Variants in CHSY3 observed in about 807,000 individuals in gnomAD.
CHSY3 encodes chondroitin sulfate synthase 3, also known as N-acetylgalactosaminyl-proteoglycan 3-beta-glucuronosyltransferase 3.
In CHSY3, 35 loss-of-function variants were observed where a neutral mutation model predicts 67.2. That is an observed-to-expected ratio of 0.52 (90% CI 0.40 to 0.69). The LOEUF is 0.69. Ranked by LOEUF, CHSY3 falls within the 30% of genes least tolerant of loss-of-function variation. The pLI is 0.00. For synonymous variants in CHSY3, 474 were observed against 434.7 expected (o/e 1.09, Z -1.12); for missense variants, 1,069 against 1,138.5 (o/e 0.94, Z 0.88).
chr5:129,963,375 A>G (rs1762388121), intron 2 of CHSY3, among the ~76,000 whole-genome samples: 1 of 152,044 alleles, frequency 6.6e-6, no homozygotes, highest in Non-Finnish European at 1.5e-5. Context: ...AAGGGTTATG[A>G]CTTGCCCACG....
intron 2 of CHSY3, among the ~76,000 whole-genome samples, chr5:130,023,737 C>G (rs1028124574): frequency 3.3e-5 from 5 of 151,908 alleles, no homozygotes; most frequent in African/African-American, 1.2e-4. Flanking sequence ...AATTAACACC[C>G]AGGGCTTACA....
chr5:130,002,828 C>T (rs564468384), intron 2 of CHSY3, among the ~76,000 whole-genome samples: 1 of 151,388 alleles, frequency 6.6e-6, no homozygotes, highest in African/African-American at 2.4e-5. Flanking sequence ...ATTTTTTTCC[C>T]TTTTTGGGAG....
intron 2 of CHSY3, among the ~76,000 whole-genome samples, chr5:129,926,852 A>G (rs1761130208): frequency 1.3e-5 from 2 of 151,858 alleles, no homozygotes; most frequent in African/African-American, 4.8e-5. Context: ...ATATTTATAT[A>G]TTCAATTCAC....
At chr5:129,909,353 C>T (rs1760448655) in intron 2 of CHSY3, among the ~76,000 whole-genome samples, 1 of 152,000 alleles carries the variant, frequency 6.6e-6, no homozygotes. Context: ...TTTCATGTCA[C>T]TTAGTATAGA....
intron 2 of CHSY3, among the ~76,000 whole-genome samples, chr5:129,969,355 C>T (rs926096589): frequency 6.6e-6 from 1 of 151,772 alleles, no homozygotes; most frequent in Middle Eastern, 3.2e-3. Context: ...ATGATTTACT[C>T]ATTAATGTTT....
rs554336328 is a variant in CHSY3, at chr5:129,951,908, C to G, written c.1086+43548C>G. Among the ~76,000 whole-genome samples the G allele has an allele frequency of 2.0e-5, 3 of 152,286 alleles. No individual in the cohort carries two copies. In the South Asian group the frequency reaches 6.2e-4, roughly 32 times the overall value. On this transcript the variant is annotated intron_variant, in intron 2 of 2. Transcript: ENST00000305031. The stretch of plus-strand genomic sequence containing the variant: ...TTAACTGTTTTTCAGCTTTACATTA[C>G]TAGCACAGACATTTATTGAGCATCT...
intron 2 of CHSY3, among the ~76,000 whole-genome samples, chr5:129,954,409 A>G (rs972121390): frequency 1.3e-5 from 2 of 150,448 alleles, no homozygotes; most frequent in African/African-American, 4.9e-5. Flanking sequence ...GAAGTCAGGT[A>G]GAGTGATACC....
chr5:129,927,982 C>G (rs917274734), intron 2 of CHSY3, among the ~76,000 whole-genome samples: 9 of 151,756 alleles, frequency 5.9e-5, no homozygotes, highest in African/African-American at 2.2e-4. Flanking sequence ...TTCTTATTGG[C>G]CAATTCATGT....
intron 2 of CHSY3, among the ~76,000 whole-genome samples, chr5:130,038,883 A>G (rs1764931418): frequency 6.6e-6 from 1 of 152,082 alleles, no homozygotes; most frequent in Non-Finnish European, 1.5e-5. Context: ...GATTATCTTT[A>G]CTGGCCAATC....
rs868839055 is a variant in CHSY3 at position 130,087,483 on chromosome 5, C to A, written c.1087-96746C>A. 1.8e-4 allele frequency among the ~76,000 whole-genome samples: 27 copies of A among 151,762 alleles called. No homozygotes were observed. In the South Asian group the frequency reaches 3.3e-3, roughly 19 times the overall value. ...CTAGAAAACCCCATTGTCTCAGCCC[C>A]AAATCTCCTTAAGCTGATAAGCAAC... On this transcript the variant is annotated intron_variant, in intron 2 of 2. Coordinates refer to ENST00000305031, the MANE Select transcript of CHSY3 (RefSeq NM_175856.5).
intron 2 of CHSY3, among the ~76,000 whole-genome samples, chr5:129,929,828 A>G (rs1300502882): frequency 6.6e-6 from 1 of 152,174 alleles, no homozygotes; most frequent in Non-Finnish European, 1.5e-5. Context: ...ACCTTTATTA[A>G]AATTACCATA....
rs147917789 is a variant in CHSY3 at position 130,045,913 on chromosome 5, A to G, written c.1086+137553A>G. Among the ~76,000 whole-genome samples, 215 of 152,194 alleles carry G rather than the reference A, an allele frequency of 1.4e-3. 1 individual carries two copies. Among genetic ancestry groups the G allele is most frequent in the East Asian group, 1.2e-3 (6 of 5,162 alleles). ...TGTGCTTAATGACAGGGCAAGGAGT[A>G]AAGGGAAGAAATTTTCACTGAGTAT... On this transcript the variant is annotated intron_variant, in intron 2 of 2. Coordinates refer to ENST00000305031, the MANE Select transcript of CHSY3 (RefSeq NM_175856.5).
At chr5:130,145,596 A>G (rs1254373553) in intron 2 of CHSY3, among the ~76,000 whole-genome samples, 1 of 152,208 alleles carries the variant, frequency 6.6e-6, no homozygotes, top group Non-Finnish European at 1.5e-5. Context: ...ACAAAAACAG[A>G]CAAATGAGAT....
intron 2 of CHSY3, among the ~76,000 whole-genome samples, chr5:129,925,643 C>T (rs1761080133): frequency 6.6e-6 from 1 of 152,092 alleles, no homozygotes; most frequent in East Asian, 1.9e-4. Context: ...CTATAATAAT[C>T]ACAACGTACA....
chr5:129,965,549 T>G (rs1157026034), intron 2 of CHSY3, among the ~76,000 whole-genome samples: 1 of 151,878 alleles, frequency 6.6e-6, no homozygotes, highest in Non-Finnish European at 1.5e-5. Flanking sequence ...GTTACTCCAT[T>G]TAGATACACT....
intron 2 of CHSY3, among the ~76,000 whole-genome samples, chr5:130,122,736 A>C (rs1768085120): frequency 6.6e-6 from 1 of 152,228 alleles, no homozygotes. Context: ...AATATTTAAC[A>C]ATTAAAAAAG....
chr5:129,925,108 G>T (rs144660907), intron 2 of CHSY3, among the ~76,000 whole-genome samples: 75 of 152,300 alleles, frequency 4.9e-4, no homozygotes, highest in African/African-American at 1.8e-3. Flanking sequence ...ATGCAGGAAA[G>T]ATTAAATGCG....
chr5:130,151,463 T>C (rs1199843788), intron 2 of CHSY3, among the ~76,000 whole-genome samples: 2 of 152,212 alleles, frequency 1.3e-5, no homozygotes, highest in Non-Finnish European at 2.9e-5. Flanking sequence ...CAAATAGTTA[T>C]TGACTGTGTG....
intron 2 of CHSY3, among the ~76,000 whole-genome samples, chr5:129,942,351 T>C (rs1053462935): frequency 2.6e-5 from 4 of 152,244 alleles, no homozygotes; most frequent in Non-Finnish European, 4.4e-5. Flanking sequence ...GAGTTCATTA[T>C]TTTCTTATAA....
Sources: gnomAD v4.1 joint callset for allele counts (sites outside exome capture counted in the v4.1 genomes callset) on GRCh38, gnomAD v4.1.1 for gene constraint, MANE v1.5 for transcripts, NCBI Gene and HGNC (gene_info 2026-07-23, HGNC 2026-07-21) for gene names.